The following DPF1 variants were observed in gnomAD, a reference collection of about 807,000 sequenced individuals.
DPF1 encodes the protein zinc finger protein neuro-d4.
A neutral mutation model predicts 58.7 loss-of-function variants in DPF1; 14 were observed. The observed-to-expected ratio is 0.24, with a 90% CI of 0.16 to 0.37. DPF1 has a LOEUF of 0.37. Ranked by LOEUF, DPF1 falls within the 10% of genes least tolerant of loss-of-function variation. DPF1 has a pLI of 1.00. For synonymous variants in DPF1, 216 were observed against 216.0 expected (o/e 1.00, Z 0.00); for missense variants, 345 against 529.9 (o/e 0.65, Z 3.43).
rs547136639 is a variant in DPF1 at position 38,216,413 on chromosome 19, G to A, written c.728-10C>T. The A allele has an allele frequency of 7.6e-6, 12 of 1,575,474 alleles. No individual in the cohort carries two copies. Among genetic ancestry groups the A allele is most frequent in the African/African-American group, 2.7e-5 (2 of 73,976 alleles). On this transcript the variant is annotated splice_polypyrimidine_tract_variant and intron_variant, in intron 7 of 11. Transcript: ENST00000355526. ...AATTCTTTGTAAAACTCTGGGGTAGGGGGGACAGAGAGAGGGACTCTCACC... is the reference window on the plus strand; with the variant it reads ...AATTCTTTGTAAAACTCTGGGGTAGAGGGGACAGAGAGAGGGACTCTCACC...
In DPF1 at chr19:38,222,213, G is replaced by A; in HGVS notation, c.298+144C>T. The A allele has an allele frequency of 1.4e-6, 1 of 690,088 alleles. No individual in the cohort carries two copies. The highest frequency in any genetic ancestry group is 2.3e-6 in the Non-Finnish European group (1 of 426,096). 42.7% of individuals were successfully genotyped at this position (690,088 alleles called of 1,614,324 possible). The stretch of plus-strand genomic sequence containing the variant: ...ACTCAGAGAAACTGTGGAATCTCTG[G>A]GAAACACCCGGGACGCACATGGGCA... On this transcript the variant is annotated intron_variant, in intron 3 of 11. Transcript: ENST00000355526. The surrounding 1 kb of genome is among the most constrained non-coding windows in gnomAD (Gnocchi z 4.9).
intron 9 of DPF1, among the ~76,000 whole-genome samples, chr19:38,214,978 G>GGT (rs1555801123): frequency 6.6e-6 from 1 of 151,172 alleles, no homozygotes; most frequent in Non-Finnish European, 1.5e-5. Context: ...TGGAACTACA[G>GGT]GCACGCACCA....
At chr19:38,213,165 G>C (rs913305231) in intron 10 of DPF1, among the ~76,000 whole-genome samples, 1 of 151,748 alleles carries the variant, frequency 6.6e-6, no homozygotes, top group Admixed American at 6.6e-5. Context: ...TGTAGAGATG[G>C]GGTTTCACCA....
At chr19:38,218,715 T>C in intron 4 of DPF1, 53 bp from the exon 5 acceptor site, 1 of 1,598,694 alleles carries the variant, frequency 6.3e-7, no homozygotes, top group Non-Finnish European at 8.6e-7. Flanking sequence ...ACTGACCTGC[T>C]TTTGAGGGGC....
upstream of DPF1, chr19:38,228,542 G>A (rs1967923411): frequency 6.6e-6 from 1 of 151,556 alleles, no homozygotes. Flanking sequence ...ACCAGGCCCG[G>A]GAGGAGGGGG....
chr19:38,228,389 TCTCTCCCC>T (rs1343125576), upstream of DPF1, among the ~76,000 whole-genome samples: 1 of 149,964 alleles, frequency 6.7e-6, no homozygotes, highest in Non-Finnish European at 1.5e-5. Context: ...CCTCTCTCCC[TCTCTCCCC>T]CCACCCCCCA....
Position 38,224,197 on chromosome 19 carries a change from G to T in DPF1, c.-55C>A, listed in dbSNP as rs754039309. ...TCCCCGCCGGGTCGGTCCTCCCAGC[G>T]GTCGGGCGGGCGCTGAGGCCGCCCA... On this transcript the variant is annotated 5_prime_UTR_variant, in exon 1 of 12. Transcript: ENST00000355526. This position sits in a 1 kb window ranked among gnomAD's most constrained non-coding sequence, Gnocchi z 4.5. 7.2e-7 allele frequency: 1 copy of T among 1,383,894 alleles called. No individual in the cohort carries two copies. Among genetic ancestry groups the T allele is most frequent in the Non-Finnish European group, 9.4e-7 (1 of 1,069,196 alleles). The allele number at this position is 1,383,894 out of a possible 1,614,324, so 85.7% of individuals were successfully genotyped here.
intron 3 of DPF1, among the ~76,000 whole-genome samples, chr19:38,220,615 C>CA (rs35250280): frequency 0.15 from 16,921 of 115,424 alleles, 1,414 homozygotes; most frequent in East Asian, 0.44. Context: ...GACTCCGTCT[C>CA]AAAAAAAAAA....
chr19:38,224,323 G>A (rs1461186227), upstream of DPF1: 1 of 1,246,472 alleles, frequency 8.0e-7, no homozygotes, highest in Admixed American at 4.2e-5. The surrounding 1 kb of genome is among the most constrained non-coding windows in gnomAD (Gnocchi z 4.5). Flanking sequence ...CCCAGGCCAG[G>A]GGGCCCCCGG....
chr19:38,221,318 A>T (rs1967455185), intron 3 of DPF1, among the ~76,000 whole-genome samples: 1 of 152,078 alleles, frequency 6.6e-6, no homozygotes, highest in Non-Finnish European at 1.5e-5. Flanking sequence ...CAGGTGGATC[A>T]CCTGAGGTCA....
At chr19:38,214,341 G>A (rs1973691669) in intron 9 of DPF1, among the ~76,000 whole-genome samples, 4 of 152,180 alleles carry the variant, frequency 2.6e-5, no homozygotes, top group Admixed American at 6.5e-5. Context: ...ACCCGCAGCC[G>A]CTACCTGCAG....
Position 38,229,442 on chromosome 19 carries a change from G to T in DPF1, c.-132+117C>A. On this transcript the variant is annotated intron_variant, in intron 1 of 11. Coordinates refer to the DPF1 transcript ENST00000412732. This position sits in a 1 kb window ranked among gnomAD's most constrained non-coding sequence, Gnocchi z 5.3. ...CCCGGGGCAAGGGTTCGCGCTGGGG[G>T]CCCCCATTCAACTACGGTCCGCGCG... is the stretch of plus-strand genomic sequence containing the variant. The T allele has an allele frequency of 4.6e-6, 2 of 433,020 alleles. No homozygotes were observed. The highest frequency in any genetic ancestry group is 1.1e-3 in the Middle Eastern group (1 of 938). The allele number at this position is 433,020 out of a possible 1,614,324, so 26.8% of individuals were successfully genotyped here.
Position 38,213,773 on chromosome 19 carries a change from A to G in DPF1, c.899-17T>C, listed in dbSNP as rs1334686267. 6.2e-7 allele frequency: 1 copy of G among 1,608,178 alleles called. No individual in the cohort carries two copies. The highest frequency in any genetic ancestry group is 8.5e-7 in the Non-Finnish European group (1 of 1,175,594). On this transcript the variant is annotated splice_polypyrimidine_tract_variant and intron_variant, in intron 9 of 11. Transcript: ENST00000355526. The stretch of plus-strand genomic sequence containing the variant: ...AGGGGTGTCCTGGGGGCCAAGGGGC[A>G]GGGGTGCAGTTAGGAGGTCACCGTG...
At chr19:38,224,475 G>A (rs549904585), upstream of DPF1, among the ~76,000 whole-genome samples, 18 of 152,226 alleles carry the variant, frequency 1.2e-4, no homozygotes, top group South Asian at 4.2e-4. The surrounding 1 kb of genome is among the most constrained non-coding windows in gnomAD (Gnocchi z 4.5). Flanking sequence ...ACGCATGGCA[G>A]TTTACACACA....
upstream of DPF1, among the ~76,000 whole-genome samples, chr19:38,225,675 G>A (rs754432705): frequency 1.4e-4 from 22 of 152,056 alleles, no homozygotes; most frequent in South Asian, 8.3e-4. Flanking sequence ...TGAGAGGACC[G>A]CTTGAGCTCA....
chr19:38,222,818 G>C lies in DPF1; in HGVS notation c.30-110C>G. 1 of 1,356,152 alleles carries C rather than the reference G, an allele frequency of 7.4e-7. No homozygotes were observed. The highest frequency in any genetic ancestry group is 9.6e-7 in the Non-Finnish European group (1 of 1,037,716). 84.0% of individuals were successfully genotyped at this position (1,356,152 alleles called of 1,614,324 possible). A position where few individuals can be genotyped will look rare whatever the true frequency, so the allele number is the denominator to read the frequency against. Reference sequence around the variant, plus strand: ...CGCCCAGGCTCGGGAGGGGTGGGCCGACCCCTCCAGCCTCACCTCTCCCCT... The same window carrying C: ...CGCCCAGGCTCGGGAGGGGTGGGCCCACCCCTCCAGCCTCACCTCTCCCCT... On this transcript the variant is annotated intron_variant, in intron 1 of 11. Transcript: ENST00000355526. This position sits in a 1 kb window ranked among gnomAD's most constrained non-coding sequence, Gnocchi z 4.9.
chr19:38,229,623 G>A lies in DPF1; in HGVS notation c.-196C>T, dbSNP rs1967966277. The A allele has an allele frequency of 1.9e-6, 2 of 1,046,500 alleles. No homozygotes were observed. Among genetic ancestry groups the A allele is most frequent in the East Asian group, 6.6e-5 (1 of 15,202 alleles). 64.8% of individuals were successfully genotyped at this position (1,046,500 alleles called of 1,614,324 possible). A position where few individuals can be genotyped will look rare whatever the true frequency, so the allele number is the denominator to read the frequency against. On this transcript the variant is annotated 5_prime_UTR_variant, in exon 1 of 12. Transcript: ENST00000412732. This position sits in a 1 kb window ranked among gnomAD's most constrained non-coding sequence, Gnocchi z 5.3. ...TCGGCTGGGCCGCCTCCGGCCCGGG[G>A]CGCCGCTGCCGCCGCGCGCGGGCCC...
upstream of DPF1, among the ~76,000 whole-genome samples, chr19:38,227,000 TC>T (rs1600294287): frequency 1.2e-5 from 1 of 83,724 alleles, no homozygotes; most frequent in African/African-American, 5.3e-5. Context: ...TTCTCTTCCT[TC>T]CTTCCTTCCT....
rs1001338673 is a variant in DPF1, at chr19:38,222,131, A to ATAAATAAC, written c.298+225_298+226insGTTATTTA. Among the ~76,000 whole-genome samples the ATAAATAAC allele has an allele frequency of 1.4e-5, 2 of 148,046 alleles. No individual in the cohort carries two copies. The highest frequency in any genetic ancestry group is 2.2e-4 in the South Asian group (1 of 4,648). On this transcript the variant is annotated intron_variant, in intron 3 of 11. Transcript: ENST00000355526. The surrounding 1 kb of genome is among the most constrained non-coding windows in gnomAD (Gnocchi z 4.9). The stretch of plus-strand genomic sequence containing the variant: ...AATAAATAAATAAATAAATAAATAA[A>ATAAATAAC]TAACAACAACTGGGCACCTGGGCCC...
Sources: allele counts gnomAD v4.1 joint callset (sites outside exome capture counted in the v4.1 genomes callset), GRCh38; gene constraint gnomAD v4.1.1; non-coding constraint Gnocchi (gnomAD v3.1); transcripts MANE v1.5; gene names NCBI Gene and HGNC (gene_info 2026-07-23, HGNC 2026-07-21).